The following ITGA9 variants were observed in gnomAD, a reference collection of about 807,000 sequenced individuals.
ITGA9 encodes the protein integrin subunit alpha 9.
Under a neutral mutation model 127.8 loss-of-function variants are expected in ITGA9, and 56 were observed. That is an observed-to-expected ratio of 0.44 (90% CI 0.35 to 0.55). The LOEUF (loss-of-function observed/expected upper bound fraction) is 0.55. Among genes scored for constraint, ITGA9 ranks in the 20% least tolerant of loss-of-function variants. The pLI, the probability that ITGA9 is intolerant of heterozygous loss-of-function variation, is 0.00. For synonymous variants in ITGA9, 508 were observed against 514.5 expected, an observed-to-expected ratio of 0.99 and a Z score of 0.17; for missense variants, 1,196 against 1,347.1, an observed-to-expected ratio of 0.89 and a Z score of 1.76.
At chr3:37,516,161 G>A (rs1579079511) in intron 9 of ITGA9, among the ~76,000 whole-genome samples, 1 of 152,240 alleles carries the variant, frequency 6.6e-6, no homozygotes, top group East Asian at 1.9e-4. Context: ...ACTCCCCCAG[G>A]CCTCCACTGG....
chr3:37,655,324 A>T (rs1230262098), intron 17 of ITGA9, among the ~76,000 whole-genome samples: 1 of 152,112 alleles, frequency 6.6e-6, no homozygotes, highest in African/African-American at 2.4e-5. Context: ...GTGTAAAAGC[A>T]TTCTTATTTC....
At chr3:37,568,111 A>G (rs892493379) in intron 15 of ITGA9, among the ~76,000 whole-genome samples, 1 of 152,264 alleles carries the variant, frequency 6.6e-6, no homozygotes, top group Non-Finnish European at 1.5e-5. Flanking sequence ...CTGGGCATCC[A>G]GGCATTTCCA....
intron 15 of ITGA9, among the ~76,000 whole-genome samples, chr3:37,622,797 A>T (rs1269155830): frequency 2.0e-5 from 3 of 152,068 alleles, no homozygotes; most frequent in Non-Finnish European, 2.9e-5. Context: ...ATGAGCTGAG[A>T]TTGCGCCACT....
intron 18 of ITGA9, among the ~76,000 whole-genome samples, chr3:37,722,021 G>C (rs1290899638): frequency 6.6e-6 from 1 of 152,174 alleles, no homozygotes; most frequent in Non-Finnish European, 1.5e-5. Context: ...CCAAACTCCT[G>C]ATGAGCAGCA....
In ITGA9 at chr3:37,653,801, G is replaced by A. The variant is rs772466081; in HGVS notation, c.1916+11G>A. The A allele has an allele frequency of 5.0e-6, 8 of 1,602,864 alleles. 1 individual carries two copies. The South Asian group carries it at 8.8e-5, about 18-fold the overall frequency. On this transcript the variant is annotated intron_variant, in intron 17 of 27. Coordinates refer to ENST00000264741, the MANE Select transcript of ITGA9 (RefSeq NM_002207.3). Reference sequence around the variant, plus strand: ...ACTGCTGCTCTCCAGGTATGTCGGTGTTTCCTTCAGAGCATTGTTCTCAGG... The same window carrying A: ...ACTGCTGCTCTCCAGGTATGTCGGTATTTCCTTCAGAGCATTGTTCTCAGG...
chr3:37,624,082 C>T (rs1401676093), intron 15 of ITGA9, among the ~76,000 whole-genome samples: 1 of 151,844 alleles, frequency 6.6e-6, no homozygotes, highest in East Asian at 1.9e-4. Context: ...TGGCTTAATG[C>T]TAACTGCTTA....
chr3:37,573,080 GAGA>G (rs1201612168), intron 15 of ITGA9: 1 of 152,192 alleles, frequency 6.6e-6, no homozygotes, highest in African/African-American at 2.4e-5. Context: ...GGAGACTTCA[GAGA>G]AGAACCTGGC....
chr3:37,519,405 A>G (rs1304518162), intron 11 of ITGA9, 51 bp downstream of exon 11: 1 of 1,407,190 alleles, frequency 7.1e-7, no homozygotes, highest in African/African-American at 1.4e-5. Flanking sequence ...CATTCAGCAA[A>G]CATGTATGGA....
chr3:37,815,914 G>A (rs60700251), intron 27 of ITGA9, among the ~76,000 whole-genome samples: 1,834 of 151,994 alleles, frequency 0.012, 45 homozygotes, highest in African/African-American at 0.042. Context: ...AGTCTGGGAG[G>A]GCTTCAAAAA....
At chr3:37,550,899 A>T (rs1365023542) in intron 15 of ITGA9, among the ~76,000 whole-genome samples, 1 of 152,194 alleles carries the variant, frequency 6.6e-6, no homozygotes, top group Non-Finnish European at 1.5e-5. Context: ...TTAGATTCAC[A>T]AGGTACAGGT....
chr3:37,542,399 C>G, intron 14 of ITGA9, 26 bp from the exon 15 acceptor site: 1 of 1,612,384 alleles, frequency 6.2e-7, no homozygotes, highest in South Asian at 1.1e-5. Context: ...TCCTTTCTGA[C>G]ATTTTGACCT....
intron 15 of ITGA9, among the ~76,000 whole-genome samples, chr3:37,568,472 A>T (rs1196041132): frequency 6.6e-6 from 1 of 152,224 alleles, no homozygotes; most frequent in Non-Finnish European, 1.5e-5. Flanking sequence ...AGCCAGCTTG[A>T]ATTTCTCCTC....
At chr3:37,512,023 CTTTT>C (rs1559524505) in intron 8 of ITGA9, among the ~76,000 whole-genome samples, 411 of 27,366 alleles carry the variant, frequency 0.015, 39 homozygotes, top group Middle Eastern at 0.026. Flanking sequence ...CTTTTCTTTT[CTTTT>C]CTTTCTTTCT....
At chr3:37,662,248 C>T (rs1245380810) in intron 17 of ITGA9, among the ~76,000 whole-genome samples, 2 of 151,994 alleles carry the variant, frequency 1.3e-5, no homozygotes, top group African/African-American at 4.8e-5. Flanking sequence ...AAAAAACATA[C>T]AAAAATTAGC....
chr3:37,489,467 TC>T (rs1204327670), intron 4 of ITGA9, among the ~76,000 whole-genome samples: 2 of 152,230 alleles, frequency 1.3e-5, no homozygotes, highest in African/African-American at 4.8e-5. Context: ...AAAGATCTTT[TC>T]CCCTTTTAAA....
intron 15 of ITGA9, among the ~76,000 whole-genome samples, chr3:37,618,434 G>T (rs921055740): frequency 7.2e-5 from 11 of 152,234 alleles, no homozygotes; most frequent in African/African-American, 2.7e-4. Flanking sequence ...GAGGCAGTCT[G>T]TCCATTCTCA....
intron 16 of ITGA9, among the ~76,000 whole-genome samples, chr3:37,635,729 A>G (rs1283596297): frequency 1.3e-5 from 2 of 150,960 alleles, no homozygotes; most frequent in African/African-American, 2.4e-5. Context: ...TGCTGCACCC[A>G]TTAACTAGTC....
At chr3:37,691,147 G>T (rs944673809) in intron 18 of ITGA9, among the ~76,000 whole-genome samples, 7 of 152,224 alleles carry the variant, frequency 4.6e-5, no homozygotes, top group Non-Finnish European at 1.0e-4. Flanking sequence ...GCCCCTGGCA[G>T]CTGGAAGTGG....
At chr3:37,721,005 G>A (rs1701184276) in intron 18 of ITGA9, among the ~76,000 whole-genome samples, 1 of 151,768 alleles carries the variant, frequency 6.6e-6, no homozygotes, top group South Asian at 2.1e-4. Context: ...AGGAGACCTC[G>A]CCGTCTCCAT....
Sources: gnomAD v4.1 joint callset for allele counts (sites outside exome capture counted in the v4.1 genomes callset) on GRCh38, gnomAD v4.1.1 for gene constraint, MANE v1.5 for transcripts, NCBI Gene and HGNC (gene_info 2026-07-23, HGNC 2026-07-21) for gene names.